SATB1: variants seen among roughly 807,000 people sequenced by gnomAD.
SATB1 encodes DNA-binding protein SATB1.
A neutral mutation model predicts 86.9 loss-of-function variants in SATB1; 11 were observed. The observed-to-expected ratio is 0.13, with a 90% confidence interval of 0.08 to 0.21. The LOEUF (loss-of-function observed/expected upper bound fraction) is 0.21. SATB1 is among the 10% of genes least tolerant of loss of function. The probability of loss-of-function intolerance (pLI) is 1.00; values close to 1 mark genes in which losing one functional copy is unlikely to be tolerated. For missense variants in SATB1, 551 were observed against 937.6 expected (o/e 0.59, Z 5.39); for synonymous variants, 357 against 357.2 (o/e 1.00, Z 0.01).
chr3:18,409,175 T>C (rs905069491), intron 5 of SATB1: 2 of 152,036 alleles, frequency 1.3e-5, no homozygotes, highest in Non-Finnish European at 2.9e-5. Context: ...TGTTTTACTA[T>C]TGTGAAAAGA....
At position 18,352,847 on chromosome 3, in the gene SATB1, G is replaced by A. The variant is rs1021378368; in HGVS notation, c.1576-652C>T. On this transcript the variant is annotated intron_variant, in intron 9 of 10. Coordinates refer to ENST00000338745, the MANE Select transcript of SATB1 (RefSeq NM_002971.6). This position sits in a 1 kb window ranked among gnomAD's most constrained non-coding sequence, Gnocchi z 4.1. ...TGCAGTGGGAGCATATGATTTGTCA[G>A]GCAAGAATTTAATAGGTTTCTTGGG... The A allele has an allele frequency of 6.6e-6, 1 of 152,434 alleles. No individual in the cohort carries two copies. Among genetic ancestry groups the A allele is most frequent in the Non-Finnish European group, 1.5e-5 (1 of 68,278 alleles). 9.4% of individuals were successfully genotyped at this position (152,434 alleles called of 1,614,324 possible). A position where few individuals can be genotyped will look rare whatever the true frequency, so the allele number is the denominator to read the frequency against.
At chr3:18,418,501 C>T (rs1698229694) in intron 2 of SATB1, among the ~76,000 whole-genome samples, 1 of 152,164 alleles carries the variant, frequency 6.6e-6, no homozygotes, top group African/African-American at 2.4e-5. Flanking sequence ...GCATGAAAAA[C>T]AAGCCGCAGA....
chr3:18,427,196 T>C, upstream of SATB1, among the ~76,000 whole-genome samples: 1 of 152,174 alleles, frequency 6.6e-6, no homozygotes. Context: ...AGCTAAAGTA[T>C]AAGAAATAGA....
chr3:18,402,932 G>A (rs1697345367), intron 5 of SATB1, among the ~76,000 whole-genome samples: 1 of 152,062 alleles, frequency 6.6e-6, no homozygotes, highest in Non-Finnish European at 1.5e-5. Flanking sequence ...ACTGGAAAAT[G>A]TATAGTCATT....
At chr3:18,435,820 G>C (rs966179845) in intron 2 of SATB1, among the ~76,000 whole-genome samples, 2 of 151,960 alleles carry the variant, frequency 1.3e-5, no homozygotes, top group African/African-American at 4.8e-5. Flanking sequence ...TTTTTGTCTC[G>C]TGGATGGCAA....
Position 18,415,195 on chromosome 3 carries a change from C to T in SATB1, c.555G>A (p.Ser185=), listed in dbSNP as rs748196002. 10 of 1,612,882 alleles carry T rather than the reference C, an allele frequency of 6.2e-6. No homozygotes were observed. The highest frequency in any genetic ancestry group is 2.2e-5 in the South Asian group (2 of 91,038). Residue 185 remains serine, a synonymous_variant, in exon 5 of 11, where the codon TCG becomes TCA. Transcript: ENST00000338745. ...KLEDLPPEQW[S]HTTVRNALKD... is the part of the protein sequence containing the mutation. ...TCAGAGCATTCCTCACTGTGGTGTG[C>T]GACCATTGTTCGGGAGGCAAGTCTT...
At chr3:18,421,038 A>G (rs1698372955) in intron 1 of SATB1, 47 bp from the exon 2 acceptor site, 1 of 1,318,588 alleles carries the variant, frequency 7.6e-7, no homozygotes, top group African/African-American at 1.4e-5. Flanking sequence ...GCGGGGACCT[A>G]CGTGTATATA....
rs534996516 is a variant in SATB1, at chr3:18,392,152, C to T, written c.1206+2310G>A. Among the ~76,000 whole-genome samples, 32 of 152,100 alleles carry T rather than the reference C, an allele frequency of 2.1e-4. No homozygotes were observed. In the South Asian group the frequency reaches 5.4e-3, roughly 26 times the overall value. On this transcript the variant is annotated intron_variant, in intron 7 of 10. Transcript: ENST00000338745. The stretch of plus-strand genomic sequence containing the variant: ...TTGGCTATTATTAATAAGGAGGTAT[C>T]TGCAATCAAGCTATACAAGGTAAAG...
At chr3:18,416,299 A>G (rs552445351) in intron 3 of SATB1, among the ~76,000 whole-genome samples, 166 bp from the exon 4 acceptor site, 1 of 152,096 alleles carries the variant, frequency 6.6e-6, no homozygotes, top group Non-Finnish European at 1.5e-5. Context: ...AAATATTCAC[A>G]GCTTAGCTTT....
intron 7 of SATB1, among the ~76,000 whole-genome samples, chr3:18,392,586 T>C (rs531100581): frequency 5.3e-5 from 8 of 151,352 alleles, no homozygotes; most frequent in African/African-American, 1.7e-4. Context: ...CACACACACA[T>C]ATATATACAC....
intron 9 of SATB1, among the ~76,000 whole-genome samples, chr3:18,377,246 A>C (rs1348233403): frequency 6.6e-6 from 1 of 152,204 alleles, no homozygotes; most frequent in Non-Finnish European, 1.5e-5. Context: ...AATGGTAATA[A>C]AAATATACTT....
chr3:18,356,871 C>T (rs896333658), intron 9 of SATB1, among the ~76,000 whole-genome samples: 1 of 151,844 alleles, frequency 6.6e-6, no homozygotes, highest in African/African-American at 2.4e-5. Context: ...CCTAACAAGG[C>T]CTGTTCTGTG....
Position 18,415,001 on chromosome 3 carries a change from G to T in SATB1, c.639+110C>A. On this transcript the variant is annotated intron_variant, in intron 5 of 10. Coordinates refer to ENST00000338745, the MANE Select transcript of SATB1 (RefSeq NM_002971.6). ...AGTGGTCAAGTCACTTTGCATTTTT[G>T]GCAGATTCTTGCTTCAGATACCAGT... 8 of 1,248,982 alleles carry T rather than the reference G, an allele frequency of 6.4e-6. No individual in the cohort carries two copies. In the South Asian group the frequency reaches 8.5e-5, roughly 13 times the overall value. The allele number at this position is 1,248,982 out of a possible 1,614,324, so 77.4% of individuals were successfully genotyped here.
At chr3:18,361,012 G>A (rs1020511604) in intron 9 of SATB1, among the ~76,000 whole-genome samples, 1 of 152,018 alleles carries the variant, frequency 6.6e-6, no homozygotes, top group Admixed American at 6.6e-5. Flanking sequence ...TTTAAAACAG[G>A]AAAAATAATA....
intron 2 of SATB1, among the ~76,000 whole-genome samples, chr3:18,430,967 C>A (rs1370467980): frequency 6.6e-6 from 1 of 152,200 alleles, no homozygotes; most frequent in Non-Finnish European, 1.5e-5. Flanking sequence ...TGGAAACCGA[C>A]AGGATATCTG....
intron 10 of SATB1, chr3:18,351,306 C>T (rs765516068): frequency 1.2e-5 from 19 of 1,539,796 alleles, no homozygotes; most frequent in South Asian, 4.7e-5. Context: ...TAACTGTGCC[C>T]GCTCACCTGA....
intron 7 of SATB1, among the ~76,000 whole-genome samples, chr3:18,387,982 A>T (rs143382312): frequency 1.3e-5 from 2 of 152,314 alleles, no homozygotes; most frequent in Admixed American, 1.3e-4. Flanking sequence ...AAAATGATTT[A>T]TAAGCTGGTA....
At chr3:18,408,806 A>G (rs1697683631) in intron 5 of SATB1, 1 of 152,008 alleles carries the variant, frequency 6.6e-6, no homozygotes, top group Non-Finnish European at 1.5e-5. Flanking sequence ...ATTGAGAAAA[A>G]AAGATGTCTA....
At position 18,347,557 on chromosome 3, in the gene SATB1, T is replaced by C. The variant is rs1200502052; in HGVS notation, c.*1613A>G. ...TTTTCCCCTACTTATTTTGTTACTA[T>C]TAATGGCCTTTAGAAATATTTATAC... On this transcript the variant is annotated 3_prime_UTR_variant, in exon 11 of 11. Transcript: ENST00000338745. The C allele has an allele frequency of 6.6e-6, 1 of 152,254 alleles. No homozygotes were observed. The highest frequency in any genetic ancestry group is 6.5e-5 in the Admixed American group (1 of 15,292). The allele number at this position is 152,254 out of a possible 1,614,324, so 9.4% of individuals were successfully genotyped here.
Sources: allele counts gnomAD v4.1 joint callset (sites outside exome capture counted in the v4.1 genomes callset), GRCh38; gene constraint gnomAD v4.1.1; non-coding constraint Gnocchi (gnomAD v3.1); transcripts MANE v1.5; gene names NCBI Gene and HGNC (gene_info 2026-07-23, HGNC 2026-07-21).